Variants in PLCB1 observed in about 807,000 individuals in gnomAD.
The protein encoded by PLCB1 is 1-phosphatidylinositol 4,5-bisphosphate phosphodiesterase beta-1.
Under a neutral mutation model 161.8 loss-of-function variants are expected in PLCB1, and 46 were observed. The observed-to-expected ratio is 0.28, with a 90% CI of 0.22 to 0.36. The LOEUF is 0.36. PLCB1 is among the 10% of genes least tolerant of loss of function. The probability of loss-of-function intolerance (pLI) is 1.00; values close to 1 mark genes in which losing one functional copy is unlikely to be tolerated. For missense variants in PLCB1, 1,016 were observed against 1,472.5 expected (o/e 0.69, Z 5.07); for synonymous variants, 517 against 503.7 (o/e 1.03, Z -0.35).
At chr20:8,655,763 A>G (rs567737959) in intron 7 of PLCB1, among the ~76,000 whole-genome samples, 12 of 152,192 alleles carry the variant, frequency 7.9e-5, no homozygotes, top group African/African-American at 2.6e-4. Context: ...GTTGGCCAGC[A>G]GTGCCATTGA....
At chr20:8,152,501 A>C (rs752512720) in intron 2 of PLCB1, among the ~76,000 whole-genome samples, 10 of 152,116 alleles carry the variant, frequency 6.6e-5, no homozygotes, top group Non-Finnish European at 1.2e-4. Context: ...TTTTTGCATA[A>C]GATCATTTGA....
intron 2 of PLCB1, among the ~76,000 whole-genome samples, chr20:8,245,322 C>A (rs1301367034): frequency 6.6e-6 from 1 of 151,572 alleles, no homozygotes; most frequent in Non-Finnish European, 1.5e-5. Flanking sequence ...ATGTGTACAC[C>A]CACACATACT....
chr20:8,151,930 A>G (rs914164378), intron 2 of PLCB1, among the ~76,000 whole-genome samples: 1 of 152,170 alleles, frequency 6.6e-6, no homozygotes, highest in African/African-American at 2.4e-5. Flanking sequence ...TTCCTTAATA[A>G]AGAAAAAGGG....
At chr20:8,676,477 G>T (rs1157229568) in intron 9 of PLCB1, among the ~76,000 whole-genome samples, 1 of 151,484 alleles carries the variant, frequency 6.6e-6, no homozygotes, top group Non-Finnish European at 1.5e-5. Flanking sequence ...TAAAGTAATT[G>T]TAAGCATATG....
At chr20:8,848,885 T>C (rs887366827) in intron 31 of PLCB1, among the ~76,000 whole-genome samples, 1 of 152,258 alleles carries the variant, frequency 6.6e-6, no homozygotes. Flanking sequence ...TCCCCTCTTT[T>C]CTCTCTGCTG....
intron 2 of PLCB1, among the ~76,000 whole-genome samples, chr20:8,229,900 AAAT>A (rs1326507851): frequency 6.7e-6 from 1 of 149,404 alleles, no homozygotes; most frequent in Non-Finnish European, 1.5e-5. Context: ...AAAATAAAAA[AAAT>A]AATTTAGCCA....
chr20:8,368,071 T>G (rs996333568), intron 2 of PLCB1, among the ~76,000 whole-genome samples: 1 of 152,200 alleles, frequency 6.6e-6, no homozygotes, highest in Non-Finnish European at 1.5e-5. Context: ...GAATGAATCC[T>G]GGAAGTGGAA....
intron 31 of PLCB1, among the ~76,000 whole-genome samples, chr20:8,832,392 A>G (rs67964054): frequency 0.17 from 25,686 of 152,182 alleles, 2,296 homozygotes; most frequent in South Asian, 0.23. Context: ...ATTAAATTTC[A>G]TTTAAAAGTT....
At chr20:8,875,807 T>C (rs776529148) in intron 31 of PLCB1, among the ~76,000 whole-genome samples, 27 of 152,112 alleles carry the variant, frequency 1.8e-4, no homozygotes, top group Non-Finnish European at 2.8e-4. Flanking sequence ...ATCTGTCTTA[T>C]ATTTATGCCA....
intron 2 of PLCB1, among the ~76,000 whole-genome samples, chr20:8,286,761 CTTATA>C (rs1171794081): frequency 2.0e-5 from 3 of 152,156 alleles, no homozygotes; most frequent in Non-Finnish European, 4.4e-5. Flanking sequence ...TTGCCAGTTC[CTTATA>C]TTAAAGAGAG....
intron 2 of PLCB1, among the ~76,000 whole-genome samples, chr20:8,281,516 A>G (rs1982871882): frequency 6.6e-6 from 1 of 152,092 alleles, no homozygotes; most frequent in African/African-American, 2.4e-5. Context: ...CATTTTTACC[A>G]ATAAATCTTT....
chr20:8,752,311 A>C (rs1480133443), intron 23 of PLCB1: 2 of 152,206 alleles, frequency 1.3e-5, no homozygotes, highest in Non-Finnish European at 2.9e-5. Context: ...AAGTTACATG[A>C]CTTTTAATAA....
chr20:8,425,976 A>C (rs1018737852), intron 3 of PLCB1, among the ~76,000 whole-genome samples: 8 of 152,208 alleles, frequency 5.3e-5, no homozygotes, highest in African/African-American at 1.9e-4. Flanking sequence ...GCAATGGGGA[A>C]ACCTGCTTAA....
chr20:8,456,804 C>A (rs1239300730), intron 3 of PLCB1, among the ~76,000 whole-genome samples: 1 of 152,154 alleles, frequency 6.6e-6, no homozygotes, highest in Non-Finnish European at 1.5e-5. Context: ...TAGCCTTCTT[C>A]TCACTGTAAC....
chr20:8,391,733 T>G (rs1987589746), intron 3 of PLCB1, among the ~76,000 whole-genome samples: 1 of 148,354 alleles, frequency 6.7e-6, no homozygotes, highest in Non-Finnish European at 1.5e-5. Flanking sequence ...GTATTCTTCT[T>G]AATGTTCTGT....
chr20:8,525,598 A>C (rs1434752696), intron 3 of PLCB1, among the ~76,000 whole-genome samples: 1 of 152,192 alleles, frequency 6.6e-6, no homozygotes, highest in Non-Finnish European at 1.5e-5. Flanking sequence ...CAGGGAAATC[A>C]CTATACACAA....
chr20:8,261,513 G>T (rs901129084), intron 2 of PLCB1, among the ~76,000 whole-genome samples: 1 of 152,050 alleles, frequency 6.6e-6, no homozygotes, highest in Non-Finnish European at 1.5e-5. Context: ...GGTTGATGTC[G>T]AGCCTTATGA....
chr20:8,194,551 A>C (rs1454414203), intron 2 of PLCB1, among the ~76,000 whole-genome samples: 1 of 152,124 alleles, frequency 6.6e-6, no homozygotes, highest in Non-Finnish European at 1.5e-5. Flanking sequence ...TAGGAAAAGT[A>C]CATGTCTCTT....
chr20:8,134,431 A>G (rs1057344680), intron 1 of PLCB1, among the ~76,000 whole-genome samples: 2 of 152,258 alleles, frequency 1.3e-5, no homozygotes, highest in Non-Finnish European at 2.9e-5. Flanking sequence ...TGTATTTTAA[A>G]TAATTCTCTA....
Sources: gnomAD v4.1 joint callset for allele counts (sites outside exome capture counted in the v4.1 genomes callset) on GRCh38, gnomAD v4.1.1 for gene constraint, MANE v1.5 for transcripts, NCBI Gene and HGNC (gene_info 2026-07-23, HGNC 2026-07-21) for gene names.